Variants in TMEM255A observed in about 807,000 individuals in gnomAD.
The protein encoded by TMEM255A is transmembrane protein 255A, also known as family with sequence similarity 70, member A.
A neutral mutation model predicts 23.5 loss-of-function variants in TMEM255A; 14 were observed. The observed-to-expected ratio is 0.60, with a 90% CI of 0.39 to 0.93. The LOEUF is 0.93. Ranked by LOEUF, TMEM255A falls within the 40% of genes least tolerant of loss-of-function variation. The pLI, the probability that TMEM255A is intolerant of heterozygous loss-of-function variation, is 0.00. For missense variants in TMEM255A, 233 were observed against 261.7 expected, an observed-to-expected ratio of 0.89 and a Z score of 0.76; for synonymous variants, 104 against 100.3, an observed-to-expected ratio of 1.04 and a Z score of -0.22.
chrX:120,255,551 A>T, downstream of TMEM255A: 1 of 652,776 alleles, frequency 1.5e-6, no homozygotes, highest in Non-Finnish European at 2.3e-6. Context: ...TATCTGAAGG[A>T]AGTGTAGTGG....
At chrX:120,298,877 TAGAGAG>T (rs60873568) in intron 2 of TMEM255A, among the ~76,000 whole-genome samples, 65 of 97,876 alleles carry the variant, frequency 6.6e-4, no homozygotes, top group African/African-American at 2.1e-3. Flanking sequence ...ACAGAGCACC[TAGAGAG>T]AGAGAGAGAG....
At chrX:120,277,080 C>A in intron 6 of TMEM255A, 33 bp from the exon 7 acceptor site, 1 of 1,175,788 alleles carries the variant, frequency 8.5e-7, no homozygotes. Context: ...CAGTCAGTCC[C>A]CAGGGAGCAG....
intron 7 of TMEM255A, among the ~76,000 whole-genome samples, chrX:120,275,419 G>A (rs1216784972): frequency 3.6e-5 from 4 of 111,928 alleles, no homozygotes; most frequent in Non-Finnish European, 5.6e-5. Flanking sequence ...AAACGACAGA[G>A]TTTCTTTCTT....
intron 4 of TMEM255A, among the ~76,000 whole-genome samples, chrX:120,290,051 G>T (rs1454871985): frequency 1.8e-5 from 2 of 111,560 alleles, no homozygotes; most frequent in African/African-American, 6.5e-5. Context: ...AAGCTAAAGG[G>T]TATGGGATTT....
intron 4 of TMEM255A, among the ~76,000 whole-genome samples, chrX:120,289,107 G>A (rs945518916): frequency 1.8e-5 from 2 of 111,771 alleles, no homozygotes; most frequent in Admixed American, 1.9e-4. Context: ...AGCTGTGCTA[G>A]GGTCCAAATG....
At chrX:120,305,127 G>A (rs782643780) in intron 1 of TMEM255A, among the ~76,000 whole-genome samples, 2 of 111,220 alleles carry the variant, frequency 1.8e-5, no homozygotes, top group South Asian at 7.6e-4. Flanking sequence ...ATGTATCGGG[G>A]GAGTTAGGTG....
intron 6 of TMEM255A, among the ~76,000 whole-genome samples, chrX:120,281,323 C>T (rs1476015106): frequency 8.9e-6 from 1 of 112,012 alleles, no homozygotes; most frequent in South Asian, 3.8e-4. Flanking sequence ...TTGCTCTCAA[C>T]GTTCTGGGTG....
chrX:120,255,136 G>T, downstream of TMEM255A: 1 of 1,211,963 alleles, frequency 8.3e-7, no homozygotes, highest in Non-Finnish European at 1.1e-6. Context: ...TCAGTTCATA[G>T]TCAAGATCCT....
At chrX:120,254,657 G>A, downstream of TMEM255A, 3 of 1,211,997 alleles carry the variant, frequency 2.5e-6, no homozygotes, top group Non-Finnish European at 3.3e-6. Flanking sequence ...AGGGTCAGAA[G>A]ATCATTACTT....
intron 4 of TMEM255A, 102 bp from the exon 5 acceptor site, chrX:120,287,324 C>CACACACACACACACAT (rs2057884103): frequency 1.8e-6 from 1 of 561,355 alleles, no homozygotes; most frequent in Non-Finnish European, 3.0e-6. Context: ...CACACACACA[C>CACACACACACACACAT]ACACACACAC....
intron 7 of TMEM255A, among the ~76,000 whole-genome samples, chrX:120,275,513 T>G (rs2057790783): frequency 9.0e-6 from 1 of 111,312 alleles, no homozygotes; most frequent in Non-Finnish European, 1.9e-5. Context: ...CCTTTCAGGT[T>G]CTGTTCTTCA....
At chrX:120,304,605 A>T in intron 1 of TMEM255A, 114 bp from the exon 2 acceptor site, 1 of 826,168 alleles carries the variant, frequency 1.2e-6, no homozygotes, top group Non-Finnish European at 1.7e-6. Flanking sequence ...AACTGAAGTT[A>T]TCTTTGGTGG....
the TMEM255A span, among the ~76,000 whole-genome samples, chrX:120,252,417 A>G: frequency 9.0e-6 from 1 of 110,963 alleles, no homozygotes; most frequent in Non-Finnish European, 1.9e-5. Context: ...ATCTTCTGCA[A>G]AGTGCAAAAA....
intron 2 of TMEM255A, among the ~76,000 whole-genome samples, chrX:120,296,939 AT>A (rs2057984858): frequency 5.5e-4 from 1 of 1,832 alleles, no homozygotes; most frequent in African/African-American, 7.0e-3. Flanking sequence ...TATATATATA[AT>A]ATTATATATA....
intron 2 of TMEM255A, among the ~76,000 whole-genome samples, chrX:120,300,748 T>G (rs1201291836): frequency 9.2e-6 from 1 of 109,172 alleles, no homozygotes; most frequent in Non-Finnish European, 1.9e-5. Context: ...TCTTGCTTTG[T>G]GGCCCAGGCT....
downstream of TMEM255A, chrX:120,254,212 A>C (rs1556014891): frequency 8.3e-7 from 1 of 1,211,902 alleles, no homozygotes; most frequent in Non-Finnish European, 1.1e-6. Flanking sequence ...GGAAGTGAAA[A>C]ATTGTTGGTA....
At chrX:120,291,875 C>T (rs1314756758) in intron 3 of TMEM255A, among the ~76,000 whole-genome samples, 3 of 109,523 alleles carry the variant, frequency 2.7e-5, no homozygotes, top group African/African-American at 1.0e-4. Flanking sequence ...ATGATGATTC[C>T]GGGGTCCTGC....
Position 120,304,395 on chromosome X carries a change from GTGGT to G in TMEM255A, c.151_154del (p.Thr51ProfsTer6), listed in dbSNP as rs2058050665. ...TCCTACAGTCACATTCTGGGTCCTG[GTGGT>G]TGCAGCAAGGCCCACTGTGAGAATT... On this transcript the variant is annotated frameshift_variant, in exon 2 of 9. Transcript: ENST00000371369. LOFTEE classifies it high-confidence loss of function. The G allele has an allele frequency of 1.8e-5, 22 of 1,211,086 alleles. No individual in the cohort carries two copies. Among genetic ancestry groups the G allele is most frequent in the Non-Finnish European group, 2.5e-5 (22 of 895,007 alleles).
intron 7 of TMEM255A, among the ~76,000 whole-genome samples, chrX:120,270,359 G>A (rs1048931518): frequency 7.2e-5 from 7 of 97,444 alleles, no homozygotes; most frequent in Admixed American, 3.5e-4. Context: ...TGAGACGCCC[G>A]CCCTGCCCCC....
Sources: allele counts gnomAD v4.1 joint callset (sites outside exome capture counted in the v4.1 genomes callset), GRCh38; gene constraint gnomAD v4.1.1; transcripts MANE v1.5; gene names NCBI Gene and HGNC (gene_info 2026-07-23, HGNC 2026-07-21).